The following STARD9 variants were observed in gnomAD, a reference collection of about 807,000 sequenced individuals.
The protein encoded by STARD9 is StAR related lipid transfer domain containing 9, also known as stAR-related lipid transfer protein 9.
In STARD9, 346 loss-of-function variants were observed where a neutral mutation model predicts 399.8. That is an observed-to-expected ratio of 0.87 (90% CI 0.79 to 0.95). The LOEUF (loss-of-function observed/expected upper bound fraction) is 0.95. Ranked by LOEUF, STARD9 falls within the 40% of genes least tolerant of loss-of-function variation. The probability of loss-of-function intolerance (pLI) is 0.00; values close to 1 mark genes in which losing one functional copy is unlikely to be tolerated. For synonymous variants in STARD9, 2,203 were observed against 2,143.5 expected (o/e 1.03, Z -0.77); for missense variants, 5,832 against 5,667.5 (o/e 1.03, Z -0.93).
chr15:42,718,951 C>G, intron 32 of STARD9, 41 bp downstream of exon 32: 1 of 1,520,060 alleles, frequency 6.6e-7, no homozygotes, highest in Non-Finnish European at 8.8e-7. Context: ...CACAGGCTGA[C>G]TTGGTCCCAC....
intron 24 of STARD9, 73 bp downstream of exon 24, chr15:42,694,798 GT>G: frequency 1.8e-6 from 2 of 1,102,080 alleles, no homozygotes; most frequent in Non-Finnish European, 2.4e-6. Context: ...AGGAGCTGAA[GT>G]TTTAGCATCC....
chr15:42,606,768 T>C (rs557188434), intron 3 of STARD9, among the ~76,000 whole-genome samples: 1 of 152,130 alleles, frequency 6.6e-6, no homozygotes, highest in South Asian at 2.1e-4. Context: ...AGCCTATTTT[T>C]AGTTTTGTAT....
At chr15:42,702,311 C>G (rs1157661128) in intron 26 of STARD9, among the ~76,000 whole-genome samples, 1 of 152,064 alleles carries the variant, frequency 6.6e-6, no homozygotes, top group South Asian at 2.1e-4. Flanking sequence ...TCAAATGATT[C>G]TCCTGCCTCA....
In STARD9 at chr15:42,583,356, G is replaced by T; in HGVS notation, c.58G>T (p.Glu20Ter). ...GGGTCTTGTTTCTAGGGAGACCAAAGAAGGGGGAAGAATTATTGTGGAAGT... is the reference window on the plus strand; with the variant it reads ...GGGTCTTGTTTCTAGGGAGACCAAATAAGGGGGAAGAATTATTGTGGAAGT... ...VRPLSKRETK[E>*]GGRIIVEVDG... The change falls in exon 2 of 33, where the codon GAA becomes TAA. Residue 20 changes from glutamate to a stop codon, truncating the protein, a stop_gained. Coordinates refer to ENST00000290607, the MANE Select transcript of STARD9 (RefSeq NM_020759.3). LOFTEE classifies it high-confidence loss of function. 3 of 1,536,860 alleles carry T rather than the reference G, an allele frequency of 2.0e-6. No individual in the cohort carries two copies. Among genetic ancestry groups the T allele is most frequent in the Non-Finnish European group, 2.6e-6 (3 of 1,146,518 alleles).
chr15:42,649,960 A>G, intron 7 of STARD9, among the ~76,000 whole-genome samples: 1 of 138,070 alleles, frequency 7.2e-6, no homozygotes, highest in African/African-American at 2.8e-5. Context: ...TCCGCCTCCC[A>G]GGTTCAAGGG....
At chr15:42,663,566 G>C in intron 12 of STARD9, 76 bp downstream of exon 12, 1 of 769,328 alleles carries the variant, frequency 1.3e-6, no homozygotes, top group Non-Finnish European at 2.1e-6. Flanking sequence ...GCCCCAGTGA[G>C]TGGGATGCCA....
intron 7 of STARD9, 51 bp downstream of exon 7, chr15:42,638,863 C>T: frequency 8.9e-7 from 1 of 1,118,526 alleles, no homozygotes; most frequent in Non-Finnish European, 1.3e-6. Context: ...GCCTGGGAAG[C>T]TCTCCTAATG....
Position 42,685,010 on chromosome 15 carries a change from C to A in STARD9, c.3432C>A (p.Ser1144Arg). The A allele has an allele frequency of 4.6e-6, 7 of 1,537,110 alleles. No homozygotes were observed. Among genetic ancestry groups the A allele is most frequent in the Non-Finnish European group, 6.1e-6 (7 of 1,146,934 alleles). ...PEPENSESDD[S>R]QLSEDSLAEK... ...CAGAGAACTCTGAAAGTGATGACAGCCAACTATCTGAGGACTCACTGGCTG... is the reference window on the plus strand; with the variant it reads ...CAGAGAACTCTGAAAGTGATGACAGACAACTATCTGAGGACTCACTGGCTG... The change falls in exon 23 of 33, where the codon AGC becomes AGA. Residue 1144 changes from serine to arginine, a missense_variant. Physicochemically the swap from Ser to Arg is moderately radical, Grantham distance 110. Coordinates refer to ENST00000290607, the MANE Select transcript of STARD9 (RefSeq NM_020759.3).
intron 26 of STARD9, among the ~76,000 whole-genome samples, chr15:42,703,262 C>T (rs189012907): frequency 2.9e-4 from 44 of 152,218 alleles, no homozygotes; most frequent in African/African-American, 1.0e-3. Context: ...TTGGAAAGTT[C>T]CCTGTTATTA....
At chr15:42,600,633 C>T (rs1350145242) in intron 3 of STARD9, among the ~76,000 whole-genome samples, 1 of 151,096 alleles carries the variant, frequency 6.6e-6, no homozygotes, top group Non-Finnish European at 1.5e-5. Context: ...TCAAGCGGTT[C>T]TCCTGCCTCA....
At chr15:42,707,547 C>G (rs1475248621) in intron 26 of STARD9, among the ~76,000 whole-genome samples, 1 of 150,824 alleles carries the variant, frequency 6.6e-6, no homozygotes, top group Non-Finnish European at 1.5e-5. Context: ...TCGGCTCACT[C>G]CAGCCTCCGA....
chr15:42,688,467 C>T lies in STARD9; in HGVS notation c.6889C>T (p.Pro2297Ser), dbSNP rs757144254. The change falls in exon 23 of 33, where the codon CCT (proline) becomes TCT (serine). Residue 2297 changes from proline (P) to serine (S), a missense_variant. Pro to Ser is a moderately conservative substitution (Grantham distance 74, BLOSUM62 -1). Coordinates refer to ENST00000290607, the MANE Select transcript of STARD9 (RefSeq NM_020759.3). ...QEENKVTQKF[P>S]SLSQLCRDTF... ...AGAAAATAAAGTGACTCAGAAATTT[C>T]CTAGTCTCAGCCAGCTTTGTAGGGA... 1.3e-6 allele frequency: 2 copies of T among 1,537,854 alleles called. No individual in the cohort carries two copies. Among genetic ancestry groups the T allele is most frequent in the South Asian group, 1.2e-5 (1 of 84,064 alleles).
At position 42,686,368 on chromosome 15, in the gene STARD9, T is replaced by C. The variant is rs1009545224; in HGVS notation, c.4790T>C (p.Leu1597Ser). 8 of 1,537,382 alleles carry C rather than the reference T, an allele frequency of 5.2e-6. No individual in the cohort carries two copies. In the African/African-American group the frequency reaches 5.5e-5, roughly 11 times the overall value. Residue 1597 changes from leucine to serine, a missense_variant, in exon 23 of 33, where the codon TTG (leucine) becomes TCG (serine). Physicochemically the swap from Leu to Ser is moderately radical, Grantham distance 145 (BLOSUM62 -2). This residue lies in a region of STARD9 where 5,828 missense variants were observed against 5,651.1 expected (regional missense o/e 1.03). Transcript: ENST00000290607. ...DETYSADLES[L>S]SASRSTNAQV... ...ACTTATTCGGCAGACTTAGAATCAT[T>C]GTCTGCTTCTCGATCTACAAATGCA...
chr15:42,694,064 G>A lies in STARD9; in HGVS notation c.12486G>A (p.Glu4162=). Residue 4162 remains glutamate (E), a synonymous_variant, in exon 23 of 33, where the codon GAG becomes GAA. Transcript: ENST00000290607. The stretch of plus-strand genomic sequence containing the variant: ...GGGGGTTGGACATGACTGAGGAGGA[G>A]CTGGGGGCCAGCGGTGATCTCAGCT... ...SPGGLDMTEE[E]LGASGDLSSE... is the part of the protein sequence containing the mutation. 5 of 1,536,780 alleles carry A rather than the reference G, an allele frequency of 3.3e-6. No individual in the cohort carries two copies. Among genetic ancestry groups the A allele is most frequent in the South Asian group, 2.4e-5 (2 of 83,970 alleles).
intron 26 of STARD9, among the ~76,000 whole-genome samples, chr15:42,715,720 G>C (rs1595832838): frequency 6.6e-6 from 1 of 152,272 alleles, no homozygotes; most frequent in South Asian, 2.1e-4. Context: ...TGTTGGTCAG[G>C]CTGGTCTGGA....
chr15:42,676,658 C>G (rs1253157167), intron 20 of STARD9, among the ~76,000 whole-genome samples: 1 of 152,154 alleles, frequency 6.6e-6, no homozygotes, highest in Non-Finnish European at 1.5e-5. Flanking sequence ...AACACCCTTC[C>G]CAGATCCAGA....
chr15:42,584,549 T>G (rs1480430672), intron 2 of STARD9, among the ~76,000 whole-genome samples: 2 of 152,232 alleles, frequency 1.3e-5, no homozygotes, highest in African/African-American at 4.8e-5. Context: ...GGCAGCCTAA[T>G]TCTTCTGTAG....
chr15:42,595,105 G>A (rs1295683370), intron 3 of STARD9, among the ~76,000 whole-genome samples: 13 of 152,094 alleles, frequency 8.5e-5, no homozygotes, highest in Admixed American at 8.5e-4. Context: ...AACTTGGAGT[G>A]TGAATGAAGG....
intron 3 of STARD9, among the ~76,000 whole-genome samples, chr15:42,601,578 G>GC (rs1555389585): frequency 6.8e-6 from 1 of 147,892 alleles, no homozygotes; most frequent in African/African-American, 2.5e-5. Context: ...GGCGGGGGCT[G>GC]CCCCCCCACC....
Sources: allele counts gnomAD v4.1 joint callset (sites outside exome capture counted in the v4.1 genomes callset), GRCh38; gene constraint gnomAD v4.1.1; regional missense constraint gnomAD v4.1.1; transcripts MANE v1.5; gene names NCBI Gene and HGNC (gene_info 2026-07-23, HGNC 2026-07-21).